The following ERBB4 variants were observed in gnomAD, a reference collection of about 807,000 sequenced individuals.
The protein encoded by ERBB4 is receptor tyrosine-protein kinase erbB-4.
In ERBB4, 42 loss-of-function variants were observed where a neutral mutation model predicts 158.0. That is an observed-to-expected ratio of 0.27 (90% CI 0.21 to 0.34). ERBB4 has a LOEUF of 0.34. ERBB4 is among the 10% of genes least tolerant of loss of function. The pLI, the probability that ERBB4 is intolerant of heterozygous loss-of-function variation, is 1.00. For missense variants in ERBB4, 1,333 were observed against 1,624.1 expected, an observed-to-expected ratio of 0.82 and a Z score of 3.08; for synonymous variants, 583 against 558.7, an observed-to-expected ratio of 1.04 and a Z score of -0.61.
intron 20 of ERBB4, among the ~76,000 whole-genome samples, chr2:211,432,328 T>G (rs1237123251): frequency 1.3e-5 from 2 of 152,116 alleles, no homozygotes; most frequent in Non-Finnish European, 2.9e-5. Context: ...CCTGGTGTAG[T>G]GTAAAGAGAA....
At chr2:212,439,252 G>T (rs954573693) in intron 1 of ERBB4, among the ~76,000 whole-genome samples, 2 of 152,132 alleles carry the variant, frequency 1.3e-5, no homozygotes, top group Non-Finnish European at 2.9e-5. Context: ...TGGTTATGTT[G>T]CAAGAAATAC....
chr2:211,886,808 C>G (rs2078813578), intron 3 of ERBB4, among the ~76,000 whole-genome samples: 1 of 152,160 alleles, frequency 6.6e-6, no homozygotes, highest in African/African-American at 2.4e-5. Context: ...TGTATGGGCT[C>G]AACATGCTGC....
intron 1 of ERBB4, among the ~76,000 whole-genome samples, chr2:212,284,541 T>A (rs915759553): frequency 6.6e-6 from 1 of 152,112 alleles, no homozygotes; most frequent in Non-Finnish European, 1.5e-5. Flanking sequence ...GCCCAATTGA[T>A]AAAAGATTTC....
At chr2:211,944,139 T>C (rs1420720836) in intron 3 of ERBB4, among the ~76,000 whole-genome samples, 1 of 140,322 alleles carries the variant, frequency 7.1e-6, no homozygotes, top group Non-Finnish European at 1.5e-5. Flanking sequence ...ATATGTACAC[T>C]ATACATATAC....
At chr2:211,638,383 G>A (rs1377698478) in intron 16 of ERBB4, among the ~76,000 whole-genome samples, 1 of 152,090 alleles carries the variant, frequency 6.6e-6, no homozygotes, top group Non-Finnish European at 1.5e-5. Context: ...CATTAAGGGA[G>A]TTCTTTTTCT....
intron 1 of ERBB4, among the ~76,000 whole-genome samples, chr2:212,466,411 A>T (rs1688837846): frequency 6.6e-6 from 1 of 152,118 alleles, no homozygotes; most frequent in Non-Finnish European, 1.5e-5. Context: ...CAAAATTCCC[A>T]TGTTGTGGAA....
chr2:212,343,434 A>ACATGATTT (rs1485209348), intron 1 of ERBB4, among the ~76,000 whole-genome samples: 3 of 152,208 alleles, frequency 2.0e-5, no homozygotes, highest in Non-Finnish European at 4.4e-5. Flanking sequence ...TAGGAATAAC[A>ACATGATTT]CATGATTTCC....
intron 1 of ERBB4, among the ~76,000 whole-genome samples, chr2:212,331,071 T>TATATATATACAC (rs147932949): frequency 0.016 from 1,936 of 120,052 alleles, 93 homozygotes; most frequent in African/African-American, 0.051. Context: ...TATATATATA[T>TATATATATACAC]ACACATATAT....
intron 2 of ERBB4, among the ~76,000 whole-genome samples, chr2:212,069,132 A>G (rs2078033058): frequency 6.6e-6 from 1 of 152,074 alleles, no homozygotes; most frequent in Admixed American, 6.6e-5. Context: ...CTTTATTAGC[A>G]GTGTGAGAAA....
chr2:212,208,480 C>G (rs2082832588), intron 1 of ERBB4, among the ~76,000 whole-genome samples: 1 of 151,976 alleles, frequency 6.6e-6, no homozygotes, highest in Non-Finnish European at 1.5e-5. Context: ...AAGATATAAA[C>G]AGGGCTAAGG....
At chr2:212,152,394 G>A (rs1346127873) in intron 1 of ERBB4, among the ~76,000 whole-genome samples, 1 of 152,108 alleles carries the variant, frequency 6.6e-6, no homozygotes, top group Non-Finnish European at 1.5e-5. Context: ...AATATTAGCT[G>A]TCAATAATCA....
chr2:211,767,132 T>C (rs1040536887), intron 4 of ERBB4, among the ~76,000 whole-genome samples: 2 of 152,120 alleles, frequency 1.3e-5, no homozygotes, highest in African/African-American at 4.8e-5. Context: ...TGTAGAGTAC[T>C]TTTGTTTTAA....
chr2:211,404,368 T>C (rs1356964438), intron 25 of ERBB4, among the ~76,000 whole-genome samples: 2 of 152,084 alleles, frequency 1.3e-5, no homozygotes, highest in Non-Finnish European at 2.9e-5. Flanking sequence ...GGCATTTTTC[T>C]TAAGCCTTAG....
chr2:211,963,785 T>C (rs553946234), intron 2 of ERBB4, among the ~76,000 whole-genome samples: 5 of 152,292 alleles, frequency 3.3e-5, no homozygotes, highest in South Asian at 4.1e-4. Flanking sequence ...TAAGCAAATT[T>C]ATAAACAAAC....
chr2:212,115,059 A>G (rs568445525), intron 2 of ERBB4, among the ~76,000 whole-genome samples: 2 of 152,164 alleles, frequency 1.3e-5, no homozygotes, highest in African/African-American at 2.4e-5. Context: ...TCTTATTTTC[A>G]GGTAGAAATT....
intron 19 of ERBB4, among the ~76,000 whole-genome samples, chr2:211,607,852 T>G: frequency 6.6e-6 from 1 of 150,506 alleles, no homozygotes; most frequent in East Asian, 2.0e-4. Context: ...TTATAAAAAC[T>G]TTTTCGCATC....
intron 1 of ERBB4, among the ~76,000 whole-genome samples, chr2:212,238,342 C>T (rs1432981503): frequency 1.3e-5 from 2 of 152,122 alleles, no homozygotes; most frequent in Non-Finnish European, 2.9e-5. Flanking sequence ...GTTCCCTGAC[C>T]CCATACACTG....
intron 1 of ERBB4, among the ~76,000 whole-genome samples, chr2:212,136,195 T>C (rs913950444): frequency 2.6e-5 from 4 of 152,206 alleles, no homozygotes; most frequent in Non-Finnish European, 4.4e-5. Flanking sequence ...CCTAATATGA[T>C]ACTATACTCA....
At chr2:211,685,802 G>GT (rs2072541697) in intron 12 of ERBB4, among the ~76,000 whole-genome samples, 1 of 152,048 alleles carries the variant, frequency 6.6e-6, no homozygotes, top group Admixed American at 6.6e-5. Flanking sequence ...TCTTTCATCA[G>GT]TATTTTGTAG....
Sources: allele counts gnomAD v4.1 joint callset (sites outside exome capture counted in the v4.1 genomes callset), GRCh38; gene constraint gnomAD v4.1.1; transcripts MANE v1.5; gene names NCBI Gene and HGNC (gene_info 2026-07-23, HGNC 2026-07-21).